The following TRPM3 variants were observed in gnomAD, a reference collection of about 807,000 sequenced individuals.
TRPM3 encodes the protein transient receptor potential cation channel subfamily M member 3.
In TRPM3, 77 loss-of-function variants were observed where a neutral mutation model predicts 181.2. The observed-to-expected ratio is 0.42, with a 90% CI of 0.35 to 0.51. The LOEUF (loss-of-function observed/expected upper bound fraction) is 0.51, where lower values mean the gene tolerates loss of function less well. Among genes scored for constraint, TRPM3 ranks in the 20% least tolerant of loss-of-function variants. The pLI, the probability that TRPM3 is intolerant of heterozygous loss-of-function variation, is 0.01. For missense variants in TRPM3, 1,759 were observed against 2,196.7 expected (o/e 0.80, Z 3.98); for synonymous variants, 745 against 796.4 (o/e 0.94, Z 1.09).
chr9:71,161,226 A>T (rs960118373), intron 1 of TRPM3, among the ~76,000 whole-genome samples: 1 of 152,100 alleles, frequency 6.6e-6, no homozygotes, highest in Non-Finnish European at 1.5e-5. Context: ...GCCCTTCTCT[A>T]TCTCTTGGTT....
At chr9:70,565,793 A>G (rs911864971) in intron 22 of TRPM3, among the ~76,000 whole-genome samples, 1 of 152,222 alleles carries the variant, frequency 6.6e-6, no homozygotes, top group Non-Finnish European at 1.5e-5. Context: ...AACCTTGGGT[A>G]GGTTCAGATT....
rs200696939 is a variant in TRPM3 at position 70,580,416 on chromosome 9, G to GC, written c.3223+10614dup. Among the ~76,000 whole-genome samples, 853 of 152,132 alleles carry GC rather than the reference G, an allele frequency of 5.6e-3. 11 individuals are homozygous for GC. The highest frequency in any genetic ancestry group is 0.019 in the African/African-American group (807 of 41,500). On this transcript the variant is annotated intron_variant, in intron 22 of 25. Coordinates refer to ENST00000677713, the MANE Select transcript of TRPM3 (RefSeq NM_001366145.2). ...GTGGAAAAGATGAATACAGACCCTG[G>GC]CCCCAACCCATCCCCAACCCCCACA...
At chr9:71,392,340 C>T (rs1043056646) in intron 1 of TRPM3, among the ~76,000 whole-genome samples, 2 of 152,026 alleles carry the variant, frequency 1.3e-5, no homozygotes. Context: ...AAAGCATTGT[C>T]AGACAAGAAA....
chr9:70,755,794 G>C (rs770773893), intron 8 of TRPM3, among the ~76,000 whole-genome samples: 1 of 152,076 alleles, frequency 6.6e-6, no homozygotes, highest in Admixed American at 6.5e-5. Context: ...GTCACCACCA[G>C]GCCTGCCTCA....
chr9:70,628,576 C>A (rs956921951), intron 12 of TRPM3, among the ~76,000 whole-genome samples: 7 of 152,074 alleles, frequency 4.6e-5, no homozygotes, highest in African/African-American at 1.7e-4. Flanking sequence ...AATCCTAGCA[C>A]TTTGGGAGGC....
intron 1 of TRPM3, chr9:70,869,073 C>T (rs1462428848): frequency 1.0e-6 from 1 of 984,756 alleles, no homozygotes; most frequent in Non-Finnish European, 1.2e-6. Context: ...CTGGTCATTC[C>T]GTTAATAATG....
At chr9:71,397,013 T>C (rs946978154) in intron 1 of TRPM3, among the ~76,000 whole-genome samples, 3 of 151,384 alleles carry the variant, frequency 2.0e-5, no homozygotes, top group Non-Finnish European at 4.4e-5. Flanking sequence ...AAGGAAAACA[T>C]GCACCAGCTT....
At chr9:71,372,978 A>T (rs987608864) in intron 1 of TRPM3, among the ~76,000 whole-genome samples, 1 of 152,190 alleles carries the variant, frequency 6.6e-6, no homozygotes, top group African/African-American at 2.4e-5. Flanking sequence ...TTCACTCAAA[A>T]CCACACAAAT....
chr9:70,813,940 A>G (rs1486737935), intron 6 of TRPM3, among the ~76,000 whole-genome samples: 1 of 152,230 alleles, frequency 6.6e-6, no homozygotes, highest in Non-Finnish European at 1.5e-5. Flanking sequence ...ACTTATTTGT[A>G]AGACTAAGCT....
intron 1 of TRPM3, among the ~76,000 whole-genome samples, chr9:71,438,892 T>A (rs1328817923): frequency 6.6e-6 from 1 of 152,180 alleles, no homozygotes. Flanking sequence ...GTTTGTAATA[T>A]CCCACAATAA....
At chr9:71,163,453 G>T (rs897051602) in intron 1 of TRPM3, among the ~76,000 whole-genome samples, 5 of 152,132 alleles carry the variant, frequency 3.3e-5, no homozygotes, top group African/African-American at 9.7e-5. Flanking sequence ...TCATGCTTTG[G>T]TATACTGAGT....
intron 6 of TRPM3, among the ~76,000 whole-genome samples, chr9:70,822,154 C>G (rs1401605423): frequency 6.6e-6 from 1 of 152,238 alleles, no homozygotes; most frequent in Non-Finnish European, 1.5e-5. Flanking sequence ...CTACCCACAT[C>G]TGTGCCCGTA....
chr9:71,320,332 AC>A (rs1320295656), intron 1 of TRPM3, among the ~76,000 whole-genome samples: 15 of 151,718 alleles, frequency 9.9e-5, no homozygotes, highest in Non-Finnish European at 1.0e-4. Flanking sequence ...AAAAAAAAAA[AC>A]AAATGCTTAT....
At chr9:71,379,487 T>G (rs937451461) in intron 1 of TRPM3, among the ~76,000 whole-genome samples, 4 of 152,016 alleles carry the variant, frequency 2.6e-5, no homozygotes, top group Admixed American at 2.6e-4. Flanking sequence ...ATAAGACACA[T>G]AAATTTTGGT....
At chr9:71,331,127 T>A (rs1202013145) in intron 1 of TRPM3, among the ~76,000 whole-genome samples, 1 of 151,908 alleles carries the variant, frequency 6.6e-6, no homozygotes, top group Non-Finnish European at 1.5e-5. Flanking sequence ...AAATTATTGA[T>A]TACTTAGAAA....
intron 1 of TRPM3, among the ~76,000 whole-genome samples, chr9:71,307,627 A>T (rs1282876597): frequency 6.6e-6 from 1 of 152,152 alleles, no homozygotes; most frequent in Non-Finnish European, 1.5e-5. Flanking sequence ...TTTATTCAGT[A>T]GCTATTCTTT....
At chr9:71,082,294 A>C (rs1178836864) in intron 1 of TRPM3, among the ~76,000 whole-genome samples, 1 of 152,178 alleles carries the variant, frequency 6.6e-6, no homozygotes, top group Non-Finnish European at 1.5e-5. Context: ...ACAGATGGCC[A>C]AATAGCTGAT....
chr9:71,247,276 C>T (rs1012888552), intron 1 of TRPM3, among the ~76,000 whole-genome samples: 3 of 145,230 alleles, frequency 2.1e-5, no homozygotes, highest in Non-Finnish European at 3.0e-5. Flanking sequence ...ATCGCTTGAA[C>T]CTGGGAGGTG....
At chr9:70,793,851 T>A (rs1467041948) in intron 6 of TRPM3, among the ~76,000 whole-genome samples, 2 of 152,286 alleles carry the variant, frequency 1.3e-5, no homozygotes, top group Non-Finnish European at 2.9e-5. Flanking sequence ...ATAAATTACA[T>A]GAAATATTCA....
Sources: gnomAD v4.1 joint callset for allele counts (sites outside exome capture counted in the v4.1 genomes callset) on GRCh38, gnomAD v4.1.1 for gene constraint, MANE v1.5 for transcripts, NCBI Gene and HGNC (gene_info 2026-07-23, HGNC 2026-07-21) for gene names.